DENND2D: variants seen among roughly 807,000 people sequenced by gnomAD.
DENND2D encodes DENN domain-containing protein 2D.
DENND2D carries 37 observed loss-of-function variants against 59.8 expected under a neutral mutation model. That is an observed-to-expected ratio of 0.62 (90% CI 0.48 to 0.81). The LOEUF is 0.81. DENND2D is among the 40% of genes least tolerant of loss of function. The probability of loss-of-function intolerance (pLI) is 0.00; values close to 1 mark genes in which losing one functional copy is unlikely to be tolerated. For synonymous variants in DENND2D, 219 were observed against 211.3 expected, an observed-to-expected ratio of 1.04 and a Z score of -0.31; for missense variants, 525 against 579.7, an observed-to-expected ratio of 0.91 and a Z score of 0.97.
Position 111,192,363 on chromosome 1 carries a change from C to T in DENND2D, c.795-46G>A, listed in dbSNP as rs1200193112. 3 of 1,499,236 alleles carry T rather than the reference C, an allele frequency of 2.0e-6. No individual in the cohort carries two copies. In the African/African-American group the frequency reaches 4.1e-5, roughly 21 times the overall value. The allele number at this position is 1,499,236 out of a possible 1,614,324, so 92.9% of individuals were successfully genotyped here. ...TGAGAGTCAGGGGGCCCCTGCACCACCATGCTACACACCCCTCATCGCCCA... is the reference window on the plus strand; with the variant it reads ...TGAGAGTCAGGGGGCCCCTGCACCATCATGCTACACACCCCTCATCGCCCA... On this transcript the variant is annotated intron_variant, in intron 7 of 11. Transcript: ENST00000357640.
At position 111,192,223 on chromosome 1, in the gene DENND2D, C is replaced by A; in HGVS notation, c.889G>T (p.Ala297Ser). 1.2e-6 allele frequency: 2 copies of A among 1,613,930 alleles called. No individual in the cohort carries two copies. The highest frequency in any genetic ancestry group is 1.7e-6 in the Non-Finnish European group (2 of 1,179,900). The change falls in exon 8 of 12, where the codon GCC becomes TCC. Residue 297 changes from alanine (A) to serine (S), a missense_variant. Ala to Ser is a moderately conservative substitution (Grantham distance 99). Coordinates refer to ENST00000357640, the MANE Select transcript of DENND2D (RefSeq NM_024901.5). ...YIPVVPESLL[A>S]TVCCPTPFMV... ...AAGGGGGTGGGGCAGCAGACGGTGGCCAGAAGGCTCTCAGGGACAACAGGG... is the reference window on the plus strand; with the variant it reads ...AAGGGGGTGGGGCAGCAGACGGTGGACAGAAGGCTCTCAGGGACAACAGGG...
chr1:111,193,346 A>G (rs1183228633), intron 7 of DENND2D, among the ~76,000 whole-genome samples: 5 of 152,188 alleles, frequency 3.3e-5, no homozygotes, highest in African/African-American at 1.2e-4. Flanking sequence ...AAGAAAGTAA[A>G]CGTCTGAGAG....
intron 1 of DENND2D, 174 bp downstream of exon 1, chr1:111,200,219 A>G (rs12756391): frequency 0.14 from 113,170 of 793,906 alleles, 9,729 homozygotes; most frequent in Admixed American, 0.27. Context: ...AGCCCCAGAG[A>G]GGGCATGACC....
chr1:111,194,830 G>A (rs961126787), intron 6 of DENND2D, 104 bp from the exon 7 acceptor site: 3 of 1,316,654 alleles, frequency 2.3e-6, no homozygotes, highest in Non-Finnish European at 3.2e-6. Flanking sequence ...GCCCCCAGGA[G>A]TGAATCTGGC....
In DENND2D at chr1:111,197,432, G is replaced by A. The variant is rs1658350022; in HGVS notation, c.427-179C>T. 6 of 1,438,362 alleles carry A rather than the reference G, an allele frequency of 4.2e-6. No individual in the cohort carries two copies. The South Asian group carries it at 5.8e-5, about 14-fold the overall frequency. 89.1% of individuals were successfully genotyped at this position (1,438,362 alleles called of 1,614,324 possible). A position where few individuals can be genotyped will look rare whatever the true frequency, so the allele number is the denominator to read the frequency against. The stretch of plus-strand genomic sequence containing the variant: ...AAGAAGAAATCCTTGAGGGTACTGG[G>A]TGAGTTGGTGGGCAAGCGCTGCCAC... On this transcript the variant is annotated intron_variant, in intron 4 of 11. Transcript: ENST00000357640.
At position 111,192,218 on chromosome 1, in the gene DENND2D, G is replaced by A. The variant is rs555153173; in HGVS notation, c.894C>T (p.Thr298=). The part of the protein sequence containing the change: ...IPVVPESLLA[T]VCCPTPFMVG... ...CCATGAAGGGGGTGGGGCAGCAGAC[G>A]GTGGCCAGAAGGCTCTCAGGGACAA... The change falls in exon 8 of 12, where the codon ACC becomes ACT. Residue 298 remains threonine, a synonymous_variant. Coordinates refer to ENST00000357640, the MANE Select transcript of DENND2D (RefSeq NM_024901.5). 4.3e-6 allele frequency: 7 copies of A among 1,613,976 alleles called. No individual in the cohort carries two copies. The highest frequency in any genetic ancestry group is 1.3e-5 in the African/African-American group (1 of 75,042).
intron 6 of DENND2D, chr1:111,195,176 C>T (rs1343682629): frequency 6.2e-6 from 1 of 160,084 alleles, no homozygotes; most frequent in Non-Finnish European, 1.4e-5. Flanking sequence ...TACATAATTT[C>T]TAATTCAACA....
rs962639118 is a variant in DENND2D, at chr1:111,187,668, C to T, written c.1353G>A (p.Gln451=). The change falls in exon 12 of 12, where the codon CAG becomes CAA. Residue 451 remains glutamine (Q), a synonymous_variant. Coordinates refer to ENST00000357640, the MANE Select transcript of DENND2D (RefSeq NM_024901.5). ...SKNPPAGYFQ[Q]KILEYEEQKK... ...TCTGTTCCTCATATTCAAGTATTTT[C>T]TGTTGGAAATAGCCTGTGGGTTCAA... 2.5e-6 allele frequency: 4 copies of T among 1,613,512 alleles called. No individual in the cohort carries two copies. The African/African-American group carries it at 5.3e-5, about 22-fold the overall frequency.
At chr1:111,200,067 G>A in intron 1 of DENND2D, 1 of 582,608 alleles carries the variant, frequency 1.7e-6, no homozygotes, top group Non-Finnish European at 3.0e-6. Context: ...GAGGCCACAT[G>A]GAGGCCAAGG....
At chr1:111,197,616 T>C in intron 4 of DENND2D, 1 of 1,358,610 alleles carries the variant, frequency 7.4e-7, no homozygotes, top group South Asian at 1.7e-5. Flanking sequence ...GCCTCTGCTC[T>C]GGGAGGCTCC....
chr1:111,197,951 C>T lies in DENND2D; in HGVS notation c.395G>A (p.Ser132Asn). 6.2e-7 allele frequency: 1 copy of T among 1,614,080 alleles called. No individual in the cohort carries two copies. Among genetic ancestry groups the T allele is most frequent in the Non-Finnish European group, 8.5e-7 (1 of 1,180,024 alleles). The change falls in exon 4 of 12, where the codon AGC becomes AAC. Residue 132 changes from serine to asparagine, a missense_variant. Physicochemically the swap from Ser to Asn is conservative, Grantham distance 46. Around this residue, in one of 3 missense-constraint regions of DENND2D, gnomAD observed 253 missense variants for 246.4 expected, o/e 1.03. Transcript: ENST00000357640. ...FSFVLTNVDG[S>N]RKIGYCRRLL... is the part of the protein sequence containing the mutation. ...GCGCCTGCAGTATCCAATCTTTCTGCTCCCATCCACATTGGTCAGAACGAA... is the reference window on the plus strand; with the variant it reads ...GCGCCTGCAGTATCCAATCTTTCTGTTCCCATCCACATTGGTCAGAACGAA...
intron 8 of DENND2D, 159 bp from the exon 9 acceptor site, chr1:111,189,412 C>G (rs1360009320): frequency 2.3e-5 from 16 of 707,378 alleles, no homozygotes; most frequent in Non-Finnish European, 3.4e-5. Context: ...TCTCCTTTCT[C>G]ACCATTCCCC....
At chr1:111,202,245 G>A (rs1178832457), upstream of DENND2D, 1 of 152,180 alleles carries the variant, frequency 6.6e-6, no homozygotes, top group Non-Finnish European at 1.5e-5. Flanking sequence ...TATCAAGCAA[G>A]CCAAGAGAAT....
At chr1:111,202,342 C>T (rs1658887177), upstream of DENND2D, 1 of 152,148 alleles carries the variant, frequency 6.6e-6, no homozygotes, top group Non-Finnish European at 1.5e-5. Flanking sequence ...TGTTTTCTCC[C>T]CTCTTTCAAA....
At chr1:111,199,067 G>C (rs1270739631) in intron 2 of DENND2D, among the ~76,000 whole-genome samples, 1 of 152,232 alleles carries the variant, frequency 6.6e-6, no homozygotes, top group Non-Finnish European at 1.5e-5. Flanking sequence ...CAGGCCCCTG[G>C]GAGGACAACA....
chr1:111,196,199 C>T lies in DENND2D; in HGVS notation c.505-143G>A, dbSNP rs1400533219. On this transcript the variant is annotated intron_variant, in intron 5 of 11. Coordinates refer to ENST00000357640, the MANE Select transcript of DENND2D (RefSeq NM_024901.5). ...TGTATCTTCTAGGGCCCTCCACGAACTGGTCCTCTCCCTCCCTGGCAGAGG... is the reference window on the plus strand; with the variant it reads ...TGTATCTTCTAGGGCCCTCCACGAATTGGTCCTCTCCCTCCCTGGCAGAGG... The T allele has an allele frequency of 7.9e-6, 8 of 1,006,982 alleles. No homozygotes were observed. The Admixed American group carries it at 1.3e-4, about 16-fold the overall frequency. The allele number at this position is 1,006,982 out of a possible 1,614,324, so 62.4% of individuals were successfully genotyped here. A position where few individuals can be genotyped will look rare whatever the true frequency, so the allele number is the denominator to read the frequency against.
At chr1:111,198,565 C>A (rs1327186817) in intron 3 of DENND2D, 65 bp downstream of exon 3, 6 of 1,490,132 alleles carry the variant, frequency 4.0e-6, no homozygotes. Flanking sequence ...GCTACAGGAG[C>A]CACAGAACTC....
At chr1:111,202,446 C>T (rs1658898409), upstream of DENND2D, 1 of 152,138 alleles carries the variant, frequency 6.6e-6, no homozygotes, top group South Asian at 2.1e-4. Context: ...CTCCAGTGCC[C>T]TAGAAAGGAA....
intron 6 of DENND2D, 157 bp downstream of exon 6, chr1:111,195,759 T>A: frequency 9.4e-7 from 1 of 1,061,634 alleles, no homozygotes; most frequent in South Asian, 1.5e-5. Context: ...AAAATCTGGG[T>A]TTGATTTCAG....
Sources: gnomAD v4.1 joint callset for allele counts (sites outside exome capture counted in the v4.1 genomes callset) on GRCh38, gnomAD v4.1.1 for gene constraint, gnomAD v4.1.1 regional missense constraint, MANE v1.5 for transcripts, NCBI Gene and HGNC (gene_info 2026-07-23, HGNC 2026-07-21) for gene names.